The following NAALADL2 variants were observed in gnomAD, a reference collection of about 807,000 sequenced individuals.
NAALADL2 encodes inactive N-acetylated-alpha-linked acidic dipeptidase-like protein 2.
In NAALADL2, 76 loss-of-function variants were observed where a neutral mutation model predicts 87.2. That is an observed-to-expected ratio of 0.87 (90% CI 0.72 to 1.05). NAALADL2 has a LOEUF of 1.05. Ranked by LOEUF, NAALADL2 falls within the 50% of genes least tolerant of loss-of-function variation. NAALADL2 has a pLI of 0.00. For synonymous variants in NAALADL2, 354 were observed against 331.0 expected (o/e 1.07, Z -0.75); for missense variants, 1,089 against 945.8 (o/e 1.15, Z -1.99).
intron 3 of NAALADL2, among the ~76,000 whole-genome samples, chr3:174,764,130 A>G (rs1375507155): frequency 2.0e-5 from 3 of 151,876 alleles, no homozygotes; most frequent in Non-Finnish European, 4.4e-5. Flanking sequence ...TCTTTCTGCT[A>G]TCAACTATTT....
chr3:175,477,351 G>A (rs1263509293), intron 9 of NAALADL2, among the ~76,000 whole-genome samples: 2 of 152,068 alleles, frequency 1.3e-5, no homozygotes, highest in Non-Finnish European at 2.9e-5. Context: ...CGTCATGGGT[G>A]AATTTCAGAC....
rs117894272 is a variant in NAALADL2 at position 174,791,338 on chromosome 3, A to G, written c.-9+53592A>G. On this transcript the variant is annotated intron_variant, in intron 3 of 3. Coordinates refer to the NAALADL2 transcript ENST00000434257. ...AAATCCTAACACCAAAGGCGATTGT[A>G]TTTGAGAGCCTTCATGAATGGGATT... 3.9e-5 allele frequency among the ~76,000 whole-genome samples: 6 copies of G among 152,272 alleles called. No homozygotes were observed. The East Asian group carries it at 1.2e-3, about 29-fold the overall frequency.
At chr3:175,081,420 T>G (rs1440359052) in intron 1 of NAALADL2, among the ~76,000 whole-genome samples, 2 of 152,190 alleles carry the variant, frequency 1.3e-5, no homozygotes, top group African/African-American at 4.8e-5. Context: ...CCTGCCTCAC[T>G]GTAGTAATGT....
At chr3:174,464,083 C>T (rs1365779474) in intron 1 of NAALADL2, among the ~76,000 whole-genome samples, 1 of 152,040 alleles carries the variant, frequency 6.6e-6, no homozygotes, top group Non-Finnish European at 1.5e-5. Flanking sequence ...TAAGGAATTC[C>T]AGAAAACCAT....
chr3:174,565,676 T>G (rs185272019), intron 2 of NAALADL2, among the ~76,000 whole-genome samples: 2 of 152,172 alleles, frequency 1.3e-5, no homozygotes, highest in Admixed American at 1.3e-4. Context: ...TTCAACTCAT[T>G]TGGGGTGAAT....
intron 9 of NAALADL2, among the ~76,000 whole-genome samples, chr3:175,523,575 C>T (rs867482275): frequency 5.9e-5 from 9 of 152,186 alleles, no homozygotes; most frequent in Admixed American, 5.2e-4. Flanking sequence ...ATCCTCCGCA[C>T]GGCAAGTTAC....
chr3:175,732,996 A>T (rs1482043354), intron 11 of NAALADL2, among the ~76,000 whole-genome samples: 2 of 152,086 alleles, frequency 1.3e-5, no homozygotes, highest in African/African-American at 4.8e-5. Context: ...AGTGCAACAA[A>T]CCACCATCAT....
At position 175,302,333 on chromosome 3, in the gene NAALADL2, A is replaced by T. The variant is rs74945420; in HGVS notation, c.940-21842A>T. ...CTCACTGACATATGTATTTCAATGG[A>T]TTCACTTTTAGATCGTTATTATTTG... On this transcript the variant is annotated intron_variant, in intron 4 of 13. Transcript: ENST00000454872. Among the ~76,000 whole-genome samples the T allele has an allele frequency of 8.3e-3, 1,271 of 152,272 alleles. 16 individuals are homozygous for T. The highest frequency in any genetic ancestry group is 0.03 in the African/African-American group (1,227 of 41,568).
At chr3:175,352,522 A>G (rs750075875) in intron 5 of NAALADL2, among the ~76,000 whole-genome samples, 5 of 152,186 alleles carry the variant, frequency 3.3e-5, no homozygotes, top group Non-Finnish European at 5.9e-5. Context: ...GAGGCCTATC[A>G]AATCTTCAAA....
At chr3:175,216,914 G>A (rs1431239289) in intron 2 of NAALADL2, among the ~76,000 whole-genome samples, 6 of 151,946 alleles carry the variant, frequency 3.9e-5, no homozygotes, top group African/African-American at 7.2e-5. Context: ...TGATCTGCCC[G>A]CCTCAGCCTC....
At chr3:174,937,714 G>A (rs566944178) in intron 1 of NAALADL2, among the ~76,000 whole-genome samples, 78 of 152,098 alleles carry the variant, frequency 5.1e-4, no homozygotes, top group African/African-American at 1.9e-3. Context: ...TCTATCTGAA[G>A]GCTGGATTTA....
intron 5 of NAALADL2, among the ~76,000 whole-genome samples, chr3:175,441,460 G>A (rs377075156): frequency 1.1e-4 from 17 of 152,250 alleles, no homozygotes; most frequent in South Asian, 4.1e-4. Context: ...GGATGACTAC[G>A]TAATGATTTA....
chr3:174,859,209 A>G (rs1224766944), upstream of NAALADL2: 9 of 567,028 alleles, frequency 1.6e-5, no homozygotes, highest in Admixed American at 3.1e-5. Context: ...ACAGTGGATC[A>G]AAAGATATGA....
chr3:175,203,130 G>GAA (rs1560159321), intron 2 of NAALADL2, among the ~76,000 whole-genome samples: 3 of 152,086 alleles, frequency 2.0e-5, no homozygotes, highest in African/African-American at 7.2e-5. Flanking sequence ...ACCCTCCCCT[G>GAA]AGGTCTGGTC....
chr3:175,719,037 T>C (rs1474573809), intron 11 of NAALADL2, among the ~76,000 whole-genome samples: 1 of 152,134 alleles, frequency 6.6e-6, no homozygotes, highest in Admixed American at 6.6e-5. Context: ...TTAGTTGCGA[T>C]TGGGCCAGGG....
chr3:174,447,139 T>C (rs1715117855), intron 1 of NAALADL2, among the ~76,000 whole-genome samples: 1 of 152,192 alleles, frequency 6.6e-6, no homozygotes, highest in Non-Finnish European at 1.5e-5. Context: ...AGAGGCTCTG[T>C]TTACAGGAGT....
chr3:174,822,759 A>G (rs964759154), intron 3 of NAALADL2, among the ~76,000 whole-genome samples: 2 of 152,228 alleles, frequency 1.3e-5, no homozygotes, highest in African/African-American at 4.8e-5. Context: ...ATGTTCAACC[A>G]GAATGCAACT....
At chr3:174,838,789 A>G (rs923177183) in intron 3 of NAALADL2, among the ~76,000 whole-genome samples, 2 of 152,316 alleles carry the variant, frequency 1.3e-5, no homozygotes, top group Non-Finnish European at 2.9e-5. Context: ...ATACCTAACC[A>G]AGGAGGTGAA....
chr3:174,890,509 G>A (rs116202859), intron 1 of NAALADL2, among the ~76,000 whole-genome samples: 1 of 152,260 alleles, frequency 6.6e-6, no homozygotes, highest in Non-Finnish European at 1.5e-5. Context: ...GCAAAAAGAA[G>A]TATTTTTCCA....
Sources: gnomAD v4.1 joint callset for allele counts (sites outside exome capture counted in the v4.1 genomes callset) on GRCh38, gnomAD v4.1.1 for gene constraint, MANE v1.5 for transcripts, NCBI Gene and HGNC (gene_info 2026-07-23, HGNC 2026-07-21) for gene names.